SNTG1: variants seen among roughly 807,000 people sequenced by gnomAD.
The protein encoded by SNTG1 is gamma-1-syntrophin.
SNTG1 carries 39 observed loss-of-function variants against 74.7 expected under a neutral mutation model. The ratio of observed to expected loss-of-function variants is 0.52; its 90% CI spans 0.40 to 0.68. The LOEUF (loss-of-function observed/expected upper bound fraction) is 0.68. SNTG1 is among the 30% of genes least tolerant of loss of function. SNTG1 has a pLI of 0.00. For missense variants in SNTG1, 685 were observed against 609.5 expected (o/e 1.12, Z -1.30); for synonymous variants, 254 against 217.1 (o/e 1.17, Z -1.49).
chr8:50,552,347 A>C (rs2094432072), intron 11 of SNTG1, among the ~76,000 whole-genome samples: 1 of 152,182 alleles, frequency 6.6e-6, no homozygotes, highest in Admixed American at 6.5e-5. Context: ...AAAAGGCATC[A>C]TTTAATTGTC....
At chr8:50,522,577 CTTTT>C (rs34011488) in intron 9 of SNTG1, among the ~76,000 whole-genome samples, 7 of 127,098 alleles carry the variant, frequency 5.5e-5, no homozygotes, top group Admixed American at 8.2e-5. Flanking sequence ...GACTTCCTTC[CTTTT>C]TTTTTTTTTT....
intron 2 of SNTG1, among the ~76,000 whole-genome samples, chr8:50,377,954 C>T (rs897651215): frequency 2.0e-5 from 3 of 152,302 alleles, no homozygotes; most frequent in Non-Finnish European, 2.9e-5. Context: ...CTTGAGGTGT[C>T]GCTTTTCCGG....
chr8:50,524,524 A>G (rs539348373), intron 9 of SNTG1, among the ~76,000 whole-genome samples: 2 of 152,276 alleles, frequency 1.3e-5, no homozygotes, highest in East Asian at 1.9e-4. Context: ...CCTTATAAAT[A>G]CAACTTGTTA....
chr8:50,176,533 C>T (rs1182398880), intron 2 of SNTG1, among the ~76,000 whole-genome samples: 1 of 152,096 alleles, frequency 6.6e-6, no homozygotes, highest in African/African-American at 2.4e-5. Flanking sequence ...GTAGGGAAGG[C>T]AGGTAAAGTC....
intron 15 of SNTG1, among the ~76,000 whole-genome samples, chr8:50,701,803 T>TCC (rs1563762015): frequency 1.8e-4 from 22 of 120,714 alleles, no homozygotes; most frequent in East Asian, 5.2e-4. Context: ...CCTCCTCCTC[T>TCC]TCTTCTTCTT....
chr8:50,591,994 G>T (rs892755487), intron 13 of SNTG1, among the ~76,000 whole-genome samples: 5 of 152,154 alleles, frequency 3.3e-5, no homozygotes, highest in Admixed American at 3.3e-4. Context: ...CTGCTTACTT[G>T]CTCTGTAACA....
intron 2 of SNTG1, among the ~76,000 whole-genome samples, chr8:50,237,897 T>C (rs781628848): frequency 1.4e-4 from 21 of 152,182 alleles, no homozygotes; most frequent in Non-Finnish European, 2.6e-4. Flanking sequence ...TATGAAACTC[T>C]GGGCACTCTG....
intron 1 of SNTG1, among the ~76,000 whole-genome samples, chr8:49,998,954 A>G (rs1424012668): frequency 1.3e-5 from 2 of 152,160 alleles, no homozygotes; most frequent in Non-Finnish European, 2.9e-5. Context: ...TAGACTGGCA[A>G]CACAGTCTAT....
intron 2 of SNTG1, among the ~76,000 whole-genome samples, chr8:50,367,139 A>G (rs116968863): frequency 0.01 from 1,539 of 151,966 alleles, 13 homozygotes; most frequent in Non-Finnish European, 0.016. Context: ...GAATATTTGG[A>G]AAACATTCAT....
chr8:50,386,311 G>C (rs2092573220), intron 2 of SNTG1, among the ~76,000 whole-genome samples: 1 of 151,998 alleles, frequency 6.6e-6, no homozygotes, highest in South Asian at 2.1e-4. Context: ...TGTGTCTCCA[G>C]GAATTAGTGT....
intron 4 of SNTG1, among the ~76,000 whole-genome samples, chr8:50,424,250 A>G (rs1230580538): frequency 1.3e-5 from 2 of 152,114 alleles, no homozygotes; most frequent in African/African-American, 4.8e-5. Flanking sequence ...AGAATACAGA[A>G]CCTAGGTCTG....
chr8:50,562,017 G>C (rs1253455186), intron 12 of SNTG1, among the ~76,000 whole-genome samples: 1 of 152,100 alleles, frequency 6.6e-6, no homozygotes, highest in African/African-American at 2.4e-5. Context: ...ACCCAAAAAA[G>C]ATAACTGTTC....
At chr8:49,938,691 C>A (rs1389830694) in intron 1 of SNTG1, among the ~76,000 whole-genome samples, 2 of 142,034 alleles carry the variant, frequency 1.4e-5, no homozygotes, top group Non-Finnish European at 3.1e-5. Flanking sequence ...CTCCTTCTTT[C>A]TTTTTCTTCC....
intron 2 of SNTG1, among the ~76,000 whole-genome samples, chr8:50,257,912 G>T (rs1206313993): frequency 6.6e-6 from 1 of 152,214 alleles, no homozygotes; most frequent in Non-Finnish European, 1.5e-5. Flanking sequence ...CCGACAGCTA[G>T]GTGTGAAACC....
At chr8:50,186,635 CT>C (rs898629483) in intron 2 of SNTG1, among the ~76,000 whole-genome samples, 12 of 152,014 alleles carry the variant, frequency 7.9e-5, no homozygotes, top group Admixed American at 6.6e-4. Flanking sequence ...TGATAATGAG[CT>C]TTTTTTCATA....
chr8:50,505,978 GC>G, intron 9 of SNTG1, among the ~76,000 whole-genome samples: 1 of 151,904 alleles, frequency 6.6e-6, no homozygotes, highest in East Asian at 1.9e-4. Context: ...ATTTTTTACA[GC>G]TCAAATCTAA....
At chr8:50,172,099 A>C (rs2082828394) in intron 1 of SNTG1, among the ~76,000 whole-genome samples, 1 of 152,142 alleles carries the variant, frequency 6.6e-6, no homozygotes, top group Non-Finnish European at 1.5e-5. Context: ...CCTGCCCCCC[A>C]CCACCATAAA....
intron 2 of SNTG1, among the ~76,000 whole-genome samples, chr8:50,349,840 A>C (rs2091594397): frequency 6.6e-6 from 1 of 152,148 alleles, no homozygotes; most frequent in African/African-American, 2.4e-5. Context: ...CCCTTCAGCC[A>C]ACTGCTGCAC....
rs574716515 is a variant in SNTG1 at position 50,014,144 on chromosome 8, A to G, written c.-103+101913A>G. Among the ~76,000 whole-genome samples the G allele has an allele frequency of 1.7e-4, 26 of 152,240 alleles. No homozygotes were observed. The South Asian group carries it at 5.4e-3, about 32-fold the overall frequency. ...ACACACAGCAGCTCAGTGGCACAGT[A>G]GCCAAAGGCTAAGAGCATTGCAGAC... is the stretch of plus-strand genomic sequence containing the variant. On this transcript the variant is annotated intron_variant, in intron 1 of 18. Coordinates refer to ENST00000642720, the MANE Select transcript of SNTG1 (RefSeq NM_018967.5).
Sources: gnomAD v4.1 joint callset for allele counts (sites outside exome capture counted in the v4.1 genomes callset) on GRCh38, gnomAD v4.1.1 for gene constraint, MANE v1.5 for transcripts, NCBI Gene and HGNC (gene_info 2026-07-23, HGNC 2026-07-21) for gene names.